The following AAK1 variants were observed in gnomAD, a reference collection of about 807,000 sequenced individuals.
The protein encoded by AAK1 is AP2 associated kinase 1.
Under a neutral mutation model 116.0 loss-of-function variants are expected in AAK1, and 37 were observed. The observed-to-expected ratio is 0.32, with a 90% CI of 0.25 to 0.42. AAK1 has a LOEUF of 0.42. Ranked by LOEUF, AAK1 falls within the 10% of genes least tolerant of loss-of-function variation. The probability of loss-of-function intolerance (pLI) is 1.00; values close to 1 mark genes in which losing one functional copy is unlikely to be tolerated. For synonymous variants in AAK1, 458 were observed against 439.9 expected (o/e 1.04, Z -0.51); for missense variants, 919 against 1,170.6 (o/e 0.79, Z 3.14).
intron 7 of AAK1, 68 bp downstream of exon 7, chr2:69,530,557 A>G (rs1670213140): frequency 1.5e-6 from 2 of 1,349,406 alleles, no homozygotes; most frequent in African/African-American, 1.4e-5. Flanking sequence ...CGCTGTGTGC[A>G]TTAACCTTGG....
At chr2:69,516,378 T>A (rs1676583148) in intron 12 of AAK1, among the ~76,000 whole-genome samples, 1 of 150,606 alleles carries the variant, frequency 6.6e-6, no homozygotes, top group Non-Finnish European at 1.5e-5. Context: ...AAATCCAAAT[T>A]AGGAATATAA....
chr2:69,533,676 G>A (rs1311057131), intron 5 of AAK1, among the ~76,000 whole-genome samples: 3 of 152,126 alleles, frequency 2.0e-5, no homozygotes, highest in African/African-American at 4.8e-5. Context: ...TAAGATCTGG[G>A]TTTAAAGTCT....
In AAK1 at chr2:69,465,974, C is replaced by T; in HGVS notation, c.*9895G>A. On this transcript the variant is annotated 3_prime_UTR_variant, in exon 22 of 22. Coordinates refer to ENST00000409085, the MANE Select transcript of AAK1 (RefSeq NM_014911.5). ...TAACTGTTAACTCCTCCATGCTTTT[C>T]TTCTTAGTGAAAGGAGCTCTCAAAA... 1 of 1,290,888 alleles carries T rather than the reference C, an allele frequency of 7.7e-7. No individual in the cohort carries two copies. The highest frequency in any genetic ancestry group is 1.0e-6 in the Non-Finnish European group (1 of 988,864). 80.0% of individuals were successfully genotyped at this position (1,290,888 alleles called of 1,614,324 possible).
At chr2:69,481,080 C>G in intron 18 of AAK1, 119 bp from the exon 19 acceptor site, 2 of 888,442 alleles carry the variant, frequency 2.3e-6, no homozygotes, top group South Asian at 1.8e-5. Context: ...GAGATGGTGT[C>G]TTGCTCCTGA....
intron 16 of AAK1, among the ~76,000 whole-genome samples, chr2:69,505,353 A>T (rs2104958989): frequency 6.6e-6 from 1 of 152,276 alleles, no homozygotes; most frequent in South Asian, 2.1e-4. Flanking sequence ...TTTAATTCAA[A>T]GTGGTTCTAG....
chr2:69,475,412 T>C lies in AAK1; in HGVS notation c.*457A>G, dbSNP rs1249376741. ...GTAGCCATGTCCTCATGATAATGCA[T>C]CAGGATAAAAAGCAAAAACAGGGAA... On this transcript the variant is annotated 3_prime_UTR_variant, in exon 22 of 22. Transcript: ENST00000409085. 1.0e-6 allele frequency: 1 copy of C among 996,546 alleles called. No individual in the cohort carries two copies. The highest frequency in any genetic ancestry group is 1.2e-6 in the Non-Finnish European group (1 of 836,284). The allele number at this position is 996,546 out of a possible 1,614,324, so 61.7% of individuals were successfully genotyped here.
intron 21 of AAK1, 135 bp from the exon 22 acceptor site, chr2:69,476,098 G>A: frequency 6.9e-7 from 1 of 1,443,936 alleles, no homozygotes; most frequent in South Asian, 1.4e-5. Context: ...AAACCCTAGA[G>A]AAGCAATATT....
chr2:69,530,453 A>T (rs958386610), intron 7 of AAK1, among the ~76,000 whole-genome samples, 172 bp downstream of exon 7: 3 of 152,226 alleles, frequency 2.0e-5, no homozygotes, highest in African/African-American at 7.2e-5. Flanking sequence ...TTTCTTTATC[A>T]TGCTTCAAGA....
intron 16 of AAK1, among the ~76,000 whole-genome samples, chr2:69,500,696 T>TATATATATATAC (rs1553410395): frequency 5.0e-5 from 5 of 99,396 alleles, no homozygotes; most frequent in Non-Finnish European, 7.5e-5. Flanking sequence ...TATATATATA[T>TATATATATATAC]ATACACACAC....
At chr2:69,633,465 G>A (rs373436254) in intron 2 of AAK1, among the ~76,000 whole-genome samples, 3 of 151,896 alleles carry the variant, frequency 2.0e-5, no homozygotes, top group East Asian at 3.9e-4. Flanking sequence ...GCTGGGCATG[G>A]TGGTACGCGC....
chr2:69,635,484 G>A (rs1265155560), intron 2 of AAK1, among the ~76,000 whole-genome samples: 1 of 152,204 alleles, frequency 6.6e-6, no homozygotes, highest in Non-Finnish European at 1.5e-5. Flanking sequence ...AGAGATATTT[G>A]TACATCCATG....
At chr2:69,602,823 C>T (rs531070154) in intron 2 of AAK1, among the ~76,000 whole-genome samples, 1 of 152,272 alleles carries the variant, frequency 6.6e-6, no homozygotes, top group South Asian at 2.1e-4. Context: ...TTTATTATTT[C>T]AAATTTTTAA....
Position 69,600,752 on chromosome 2 carries a change from T to G in AAK1, c.163+42126A>C, listed in dbSNP as rs544983007. Among the ~76,000 whole-genome samples the G allele has an allele frequency of 2.0e-5, 3 of 152,326 alleles. No individual in the cohort carries two copies. The East Asian group carries it at 5.8e-4, about 29-fold the overall frequency. On this transcript the variant is annotated intron_variant, in intron 2 of 21. Coordinates refer to ENST00000409085, the MANE Select transcript of AAK1 (RefSeq NM_014911.5). Reference sequence around the variant, plus strand: ...ATGACTCCAATTTTAAAGAAGCTACTGTGGGTAAAATGCTATCAAACAGGA... The same window carrying G: ...ATGACTCCAATTTTAAAGAAGCTACGGTGGGTAAAATGCTATCAAACAGGA...
intron 14 of AAK1, among the ~76,000 whole-genome samples, chr2:69,508,398 T>C (rs1349705118): frequency 1.3e-5 from 2 of 152,242 alleles, no homozygotes; most frequent in African/African-American, 4.8e-5. Context: ...AATTTTCTTA[T>C]AAAGTCTCTC....
chr2:69,631,378 T>C (rs1466322182), intron 2 of AAK1, among the ~76,000 whole-genome samples: 2 of 152,248 alleles, frequency 1.3e-5, no homozygotes, highest in Non-Finnish European at 2.9e-5. Context: ...TTAAGCTCAT[T>C]ATAACGACAA....
chr2:69,554,229 G>A (rs561420963), intron 3 of AAK1, among the ~76,000 whole-genome samples: 4 of 152,146 alleles, frequency 2.6e-5, no homozygotes, highest in Non-Finnish European at 5.9e-5. Flanking sequence ...ATAATCAGCC[G>A]AGGTTCCTCA....
At chr2:69,592,249 C>T (rs1316849754) in intron 2 of AAK1, among the ~76,000 whole-genome samples, 3 of 152,192 alleles carry the variant, frequency 2.0e-5, no homozygotes, top group African/African-American at 4.8e-5. Context: ...TGCCTCAACT[C>T]ACTTTAAGGT....
At chr2:69,542,443 C>T in intron 5 of AAK1, 80 bp downstream of exon 5, 1 of 1,524,100 alleles carries the variant, frequency 6.6e-7, no homozygotes, top group Non-Finnish European at 9.0e-7. Context: ...TCTCTCATAT[C>T]CCCACAGTAT....
intron 2 of AAK1, among the ~76,000 whole-genome samples, chr2:69,608,822 AC>A (rs1389691542): frequency 6.6e-6 from 1 of 152,262 alleles, no homozygotes; most frequent in Non-Finnish European, 1.5e-5. Flanking sequence ...ACATTTCTAT[AC>A]ACTAACAGCG....
Sources: gnomAD v4.1 joint callset for allele counts (sites outside exome capture counted in the v4.1 genomes callset) on GRCh38, gnomAD v4.1.1 for gene constraint, MANE v1.5 for transcripts, NCBI Gene and HGNC (gene_info 2026-07-23, HGNC 2026-07-21) for gene names.